The following TNR variants were observed in gnomAD, a reference collection of about 807,000 sequenced individuals.
TNR encodes tenascin R, also known as tenascin-R.
A neutral mutation model predicts 150.4 loss-of-function variants in TNR; 45 were observed. The observed-to-expected ratio is 0.30, with a 90% CI of 0.24 to 0.38. The LOEUF is 0.38. TNR is among the 10% of genes least tolerant of loss of function. The pLI, the probability that TNR is intolerant of heterozygous loss-of-function variation, is 1.00. For synonymous variants in TNR, 687 were observed against 678.4 expected (o/e 1.01, Z -0.20); for missense variants, 1,544 against 1,759.1 (o/e 0.88, Z 2.19).
At chr1:175,357,249 C>T (rs1413884171) in intron 15 of TNR, among the ~76,000 whole-genome samples, 1 of 152,152 alleles carries the variant, frequency 6.6e-6, no homozygotes, top group African/African-American at 2.4e-5. Context: ...TTGTTTTATA[C>T]ACAAATTTGG....
At chr1:175,660,881 C>A (rs1665347633) in intron 1 of TNR, among the ~76,000 whole-genome samples, 1 of 152,086 alleles carries the variant, frequency 6.6e-6, no homozygotes, top group Non-Finnish European at 1.5e-5. Flanking sequence ...AGAGTTGGGG[C>A]CTTAGAGATA....
intron 1 of TNR, among the ~76,000 whole-genome samples, chr1:175,601,537 T>C (rs528984266): frequency 6.6e-6 from 1 of 152,312 alleles, no homozygotes; most frequent in Non-Finnish European, 1.5e-5. Context: ...CAAGTTTGAG[T>C]TCCTTGATTT....
chr1:175,417,011 A>AAAAGAAAGAAAGAAGAAAGAAAG (rs1654498590), intron 2 of TNR, among the ~76,000 whole-genome samples: 1 of 90,848 alleles, frequency 1.1e-5, no homozygotes, highest in Non-Finnish European at 2.2e-5. Flanking sequence ...CCATCTCAAA[A>AAAAGAAAGAAAGAAGAAAGAAAG]AAAGAAAGAA....
chr1:175,653,133 T>A (rs1387970154), intron 1 of TNR, among the ~76,000 whole-genome samples: 2 of 152,186 alleles, frequency 1.3e-5, no homozygotes, highest in Non-Finnish European at 2.9e-5. Context: ...ACATGAAGTT[T>A]TCTTATAACC....
At chr1:175,452,052 G>A (rs368228512) in intron 2 of TNR, among the ~76,000 whole-genome samples, 7 of 152,312 alleles carry the variant, frequency 4.6e-5, no homozygotes, top group Admixed American at 6.5e-5. Flanking sequence ...CAACGCAGCA[G>A]CCAAAAGAGA....
chr1:175,717,750 C>T (rs565990414), intron 1 of TNR, among the ~76,000 whole-genome samples: 52 of 152,308 alleles, frequency 3.4e-4, no homozygotes, highest in Admixed American at 2.7e-3. Flanking sequence ...GACATTTAAA[C>T]CACGTCCCTT....
At chr1:175,475,836 C>T (rs995891901) in intron 2 of TNR, among the ~76,000 whole-genome samples, 3 of 152,142 alleles carry the variant, frequency 2.0e-5, no homozygotes, top group Non-Finnish European at 2.9e-5. Flanking sequence ...GAAGGAGAAT[C>T]CAAGAAATAA....
chr1:175,637,963 AC>A (rs1042747501), intron 1 of TNR, among the ~76,000 whole-genome samples: 73 of 152,058 alleles, frequency 4.8e-4, no homozygotes, highest in African/African-American at 1.8e-3. Flanking sequence ...CCTTCTCCCC[AC>A]CCCCATCTCC....
rs548138838 is a variant in TNR at position 175,593,946 on chromosome 1, G to T, written c.-164-65577C>A. Among the ~76,000 whole-genome samples the T allele has an allele frequency of 2.8e-4, 42 of 152,304 alleles. 1 individual carries two copies. Among genetic ancestry groups the T allele is most frequent in the Admixed American group, 2.4e-3 (37 of 15,296 alleles). On this transcript the variant is annotated intron_variant, in intron 1 of 22. Coordinates refer to ENST00000367674, the MANE Select transcript of TNR (RefSeq NM_003285.3). Reference sequence around the variant, plus strand: ...ATTTCTTTTATTAGACTTTATTTCTGTGGTCATTATTCACCCATAAAAAGC... The same window carrying T: ...ATTTCTTTTATTAGACTTTATTTCTTTGGTCATTATTCACCCATAAAAAGC...
intron 7 of TNR, 54 bp downstream of exon 7, chr1:175,391,234 C>G: frequency 6.3e-7 from 1 of 1,590,810 alleles, no homozygotes; most frequent in East Asian, 2.2e-5. Flanking sequence ...TTCTGTGGTT[C>G]TTTTCCAAGT....
Position 175,356,428 on chromosome 1 carries a change from A to G in TNR, c.3009T>C (p.Ser1003=). 1 of 1,614,014 alleles carries G rather than the reference A, an allele frequency of 6.2e-7. No individual in the cohort carries two copies. Among genetic ancestry groups the G allele is most frequent in the Non-Finnish European group, 8.5e-7 (1 of 1,179,916 alleles). Residue 1003 remains serine, a synonymous_variant, in exon 16 of 23, where the codon AGT becomes AGC. Coordinates refer to ENST00000367674, the MANE Select transcript of TNR (RefSeq NM_003285.3). ...GCAGGTCAACAAGCCGAAATTCCTC[A>G]CTGACTCCGTCAACAAGGATGGTCT... is the stretch of plus-strand genomic sequence containing the variant. The part of the protein sequence containing the change: ...AGETILVDGV[S]EEFRLVDLLP...
At chr1:175,665,520 C>T (rs534676) in intron 1 of TNR, among the ~76,000 whole-genome samples, 31,223 of 152,112 alleles carry the variant, frequency 0.21, 4,161 homozygotes, top group Middle Eastern at 0.32. Flanking sequence ...AGCAAGGGAC[C>T]CAGAGAATGT....
intron 2 of TNR, among the ~76,000 whole-genome samples, chr1:175,463,376 G>A (rs1656900908): frequency 6.6e-6 from 1 of 152,170 alleles, no homozygotes; most frequent in African/African-American, 2.4e-5. Context: ...CCCTTTCAAT[G>A]TATGAACTTG....
intron 18 of TNR, among the ~76,000 whole-genome samples, chr1:175,340,039 T>G (rs996723411): frequency 3.9e-5 from 6 of 152,226 alleles, no homozygotes; most frequent in Non-Finnish European, 7.3e-5. Flanking sequence ...CCTGAATGGC[T>G]ATCATATAAA....
At chr1:175,502,773 T>C (rs2102150940) in intron 2 of TNR, among the ~76,000 whole-genome samples, 1 of 152,142 alleles carries the variant, frequency 6.6e-6, no homozygotes, top group African/African-American at 2.4e-5. Flanking sequence ...CAGATGAAAG[T>C]GAGGCTGTTG....
intron 12 of TNR, 80 bp from the exon 13 acceptor site, chr1:175,363,907 AC>A (rs1651714883): frequency 6.6e-7 from 1 of 1,511,760 alleles, no homozygotes; most frequent in African/African-American, 1.4e-5. Flanking sequence ...TTTTATGTTG[AC>A]CAAAAGCCAA....
intron 6 of TNR, among the ~76,000 whole-genome samples, chr1:175,391,838 G>A (rs1653183994): frequency 6.6e-6 from 1 of 152,230 alleles, no homozygotes; most frequent in African/African-American, 2.4e-5. Flanking sequence ...CGGCTATTTA[G>A]GAGAGGATAG....
intron 2 of TNR, among the ~76,000 whole-genome samples, chr1:175,466,911 A>C (rs895775793): frequency 6.6e-6 from 1 of 152,136 alleles, no homozygotes; most frequent in East Asian, 1.9e-4. Context: ...GACAGGAGAC[A>C]GTCCCGAACT....
chr1:175,716,938 C>T lies in TNR; in HGVS notation c.-165+26288G>A, dbSNP rs186794239. On this transcript the variant is annotated intron_variant, in intron 1 of 22. Coordinates refer to ENST00000367674, the MANE Select transcript of TNR (RefSeq NM_003285.3). ...TCCATAGATGAAAATGCTCCCTATCCTTCCAAGCTGAGCCCAATTTACCCA... is the reference window on the plus strand; with the variant it reads ...TCCATAGATGAAAATGCTCCCTATCTTTCCAAGCTGAGCCCAATTTACCCA... Among the ~76,000 whole-genome samples the T allele has an allele frequency of 2.9e-3, 441 of 152,276 alleles. 1 individual carries two copies. The highest frequency in any genetic ancestry group is 0.01 in the African/African-American group (423 of 41,554).
Sources: allele counts gnomAD v4.1 joint callset (sites outside exome capture counted in the v4.1 genomes callset), GRCh38; gene constraint gnomAD v4.1.1; transcripts MANE v1.5; gene names NCBI Gene and HGNC (gene_info 2026-07-23, HGNC 2026-07-21).